CELSR1: variants seen among roughly 807,000 people sequenced by gnomAD.
The protein encoded by CELSR1 is cadherin EGF LAG seven-pass G-type receptor 1, also known as adhesion G protein-coupled receptor C1.
CELSR1 carries 110 observed loss-of-function variants against 249.1 expected under a neutral mutation model. That is an observed-to-expected ratio of 0.44 (90% CI 0.38 to 0.52). CELSR1 has a LOEUF of 0.52. Among genes scored for constraint, CELSR1 ranks in the 20% least tolerant of loss-of-function variants. CELSR1 has a pLI of 0.00. For missense variants in CELSR1, 4,109 were observed against 4,296.4 expected (o/e 0.96, Z 1.22); for synonymous variants, 2,113 against 1,900.0 (o/e 1.11, Z -2.92).
In CELSR1 at chr22:46,533,635, G is replaced by A; in HGVS notation, c.3536C>T (p.Ser1179Phe). ...CCCCGACGGCCACTCACCAGACACA[G>A]ACACCTCCATGAGCGCCTCCAGCGG... Reference protein sequence around the residue: ...NRPLEALMEVSVSDGIHSVTA... With the variant: ...NRPLEALMEVFVSDGIHSVTA... The change falls in exon 1 of 35, where the codon TCT becomes TTT. Residue 1179 changes from serine (S) to phenylalanine (F), a missense_variant. This residue lies in a region of CELSR1 where 886 missense variants were observed against 896.5 expected (regional missense o/e 0.99). Transcript: ENST00000674500. The A allele has an allele frequency of 6.4e-7, 1 of 1,568,240 alleles. No individual in the cohort carries two copies. The highest frequency in any genetic ancestry group is 1.2e-5 in the South Asian group (1 of 84,634).
Position 46,364,163 on chromosome 22 carries a change from G to T in CELSR1, c.8868C>A (p.Asp2956Glu), listed in dbSNP as rs145475980. 7 of 1,612,244 alleles carry T rather than the reference G, an allele frequency of 4.3e-6. No individual in the cohort carries two copies. In the African/African-American group the frequency reaches 9.3e-5, roughly 22 times the overall value. The change falls in exon 34 of 35, where the codon GAC (aspartate) becomes GAA (glutamate). Residue 2956 changes from aspartate (D) to glutamate (E), a missense_variant. Coordinates refer to ENST00000674500, the MANE Select transcript of CELSR1 (RefSeq NM_001378328.1). ...GCGAGGATGTGGGGCTCTGCTCACA[G>T]TCGGCCAGCTTCTCCCGGAGCCGGC... ...LKGRLREKLA[D>E]CEQSPTSSRT...
At position 46,414,606 on chromosome 22, in the gene CELSR1, G is replaced by A. The variant is rs543309349; in HGVS notation, c.4612-2847C>T. On this transcript the variant is annotated intron_variant, in intron 5 of 34. Coordinates refer to ENST00000674500, the MANE Select transcript of CELSR1 (RefSeq NM_001378328.1). ...CTAACCGTCCACTCTCCCGCCTCTC[G>A]GCGAGTGTGGGTTTAACGCGCAGGC... 4.1e-5 allele frequency among the ~76,000 whole-genome samples: 6 copies of A among 147,638 alleles called. No individual in the cohort carries two copies. In the South Asian group the frequency reaches 1.1e-3, roughly 26 times the overall value.
intron 1 of CELSR1, among the ~76,000 whole-genome samples, chr22:46,520,065 G>A (rs2080669632): frequency 6.6e-6 from 1 of 151,716 alleles, no homozygotes; most frequent in African/African-American, 2.4e-5. Context: ...GTAGAGATGG[G>A]GTTTCACCAG....
chr22:46,409,973 G>C lies in CELSR1; in HGVS notation c.4934-93C>G, dbSNP rs1602095870. On this transcript the variant is annotated intron_variant, in intron 7 of 34. Transcript: ENST00000674500. The surrounding 1 kb of genome is among the most constrained non-coding windows in gnomAD (Gnocchi z 9.8). ...TGGCGTGGGAAACCAGGACGGAATG[G>C]ACCCGGGGCTGGACAGAAGTCAGAC... 1 of 1,541,690 alleles carries C rather than the reference G, an allele frequency of 6.5e-7. No homozygotes were observed. The highest frequency in any genetic ancestry group is 2.3e-5 in the East Asian group (1 of 44,414).
intron 5 of CELSR1, among the ~76,000 whole-genome samples, chr22:46,421,989 C>T (rs79392470): frequency 0.033 from 4,958 of 152,354 alleles, 225 homozygotes; most frequent in African/African-American, 0.1. Context: ...TACCAGCCTG[C>T]ATGGCCACCT....
intron 1 of CELSR1, among the ~76,000 whole-genome samples, chr22:46,525,780 C>T (rs2080732622): frequency 6.6e-6 from 1 of 152,252 alleles, no homozygotes; most frequent in East Asian, 1.9e-4. Context: ...CCACCTATCC[C>T]CTTCCTCAAC....
In CELSR1 at chr22:46,517,774, C is replaced by T. The variant is rs551532109; in HGVS notation, c.3544+15853G>A. 7.9e-5 allele frequency among the ~76,000 whole-genome samples: 12 copies of T among 152,214 alleles called. No individual in the cohort carries two copies. Among genetic ancestry groups the T allele is most frequent in the South Asian group, 2.1e-4 (1 of 4,820 alleles). ...AGAAGCGAGGGCTGCATTGAAGAGGCGACTCCCATGGCTATGGCACTTGGC... is the reference window on the plus strand; with the variant it reads ...AGAAGCGAGGGCTGCATTGAAGAGGTGACTCCCATGGCTATGGCACTTGGC... On this transcript the variant is annotated intron_variant, in intron 1 of 34. Transcript: ENST00000674500. The surrounding 1 kb of genome is among the most constrained non-coding windows in gnomAD (Gnocchi z 5.4).
chr22:46,508,668 G>A (rs542236952), intron 1 of CELSR1, among the ~76,000 whole-genome samples: 11 of 152,226 alleles, frequency 7.2e-5, no homozygotes, highest in Non-Finnish European at 1.0e-4. Flanking sequence ...ACCCCATGGC[G>A]CGTCGCCTTC....
At position 46,471,721 on chromosome 22, in the gene CELSR1, C is replaced by T. The variant is rs1392799338; in HGVS notation, c.3545-7376G>A. ...CTCAGCATTTGTCATAATGAAGGAG[C>T]CAGTATTGATAGGTTATTAACTGAA... is the stretch of plus-strand genomic sequence containing the variant. On this transcript the variant is annotated intron_variant, in intron 1 of 34. Coordinates refer to ENST00000674500, the MANE Select transcript of CELSR1 (RefSeq NM_001378328.1). This position sits in a 1 kb window ranked among gnomAD's most constrained non-coding sequence, Gnocchi z 4.9. Among the ~76,000 whole-genome samples the T allele has an allele frequency of 6.6e-6, 1 of 152,082 alleles. No homozygotes were observed.
rs1169071301 is a variant in CELSR1 at position 46,390,940 on chromosome 22, G to C, written c.6250+246C>G. Among the ~76,000 whole-genome samples the C allele has an allele frequency of 6.6e-6, 1 of 152,224 alleles. No individual in the cohort carries two copies. The highest frequency in any genetic ancestry group is 1.5e-5 in the Non-Finnish European group (1 of 68,044). ...TCCCGGTGCCCCAGCCTGAGCGGCA[G>C]AGCAGGGACTGGCCGGGCCTGACTG... is the stretch of plus-strand genomic sequence containing the variant. On this transcript the variant is annotated intron_variant, in intron 16 of 34. Transcript: ENST00000674500. This position sits in a 1 kb window ranked among gnomAD's most constrained non-coding sequence, Gnocchi z 6.3.
Position 46,506,071 on chromosome 22 carries a change from C to T in CELSR1, c.3544+27556G>A, listed in dbSNP as rs1166010759. On this transcript the variant is annotated intron_variant, in intron 1 of 34. Coordinates refer to ENST00000674500, the MANE Select transcript of CELSR1 (RefSeq NM_001378328.1). The surrounding 1 kb of genome is among the most constrained non-coding windows in gnomAD (Gnocchi z 4.1). ...GCAGGCACCTGTAATCCCAGCTACT[C>T]GGGAGGCTGAGGCAGGAGAATCACT... 6.6e-6 allele frequency among the ~76,000 whole-genome samples: 1 copy of T among 150,744 alleles called. No homozygotes were observed. The highest frequency in any genetic ancestry group is 2.5e-5 in the African/African-American group (1 of 40,748).
rs139489139 is a variant in CELSR1 at position 46,463,773 on chromosome 22, C to A, written c.4117G>T (p.Gly1373Cys). 1.3e-6 allele frequency: 2 copies of A among 1,576,398 alleles called. No individual in the cohort carries two copies. The highest frequency in any genetic ancestry group is 2.7e-5 in the African/African-American group (2 of 73,932). Residue 1373 changes from glycine (G) to cysteine (C), a missense_variant, in exon 2 of 35, where the codon GGC becomes TGC. By Grantham distance (159) the Gly-to-Cys change is radical. This residue lies in a region of CELSR1 where 453 missense variants were observed against 492.0 expected (regional missense o/e 0.92). Coordinates refer to ENST00000674500, the MANE Select transcript of CELSR1 (RefSeq NM_001378328.1). The stretch of plus-strand genomic sequence containing the variant: ...CGGCTGCGGCAGCGGCCGTTGGCGC[C>A]GCACGGGTCGGAGTAGCAGAGGTCG... ...EIDLCYSDPCGANGRCRSREG... is the reference protein window; with the variant it reads ...EIDLCYSDPCCANGRCRSREG...
At chr22:46,373,500 T>G in intron 24 of CELSR1, among the ~76,000 whole-genome samples, 1 of 148,704 alleles carries the variant, frequency 6.7e-6, no homozygotes, top group Non-Finnish European at 1.5e-5. Context: ...GGGGGGCAGC[T>G]TCACGCCCAG....
At chr22:46,425,099 A>G (rs1053627103) in intron 5 of CELSR1, among the ~76,000 whole-genome samples, 2 of 152,244 alleles carry the variant, frequency 1.3e-5, no homozygotes, top group Non-Finnish European at 2.9e-5. Flanking sequence ...TCCCTGTTCC[A>G]TGGTACGGAC....
intron 28 of CELSR1, 28 bp from the exon 29 acceptor site, chr22:46,367,146 C>G (rs1444217491): frequency 7.5e-6 from 12 of 1,603,310 alleles, no homozygotes; most frequent in Non-Finnish European, 1.0e-5. Flanking sequence ...GGGTCAGCAC[C>G]TGCTGCTGCC....
chr22:46,370,699 G>C (rs9615965), intron 25 of CELSR1, among the ~76,000 whole-genome samples: 11,921 of 152,238 alleles, frequency 0.078, 519 homozygotes, highest in Non-Finnish European at 0.092. Flanking sequence ...GCTCCCTCCT[G>C]TTTAACACCC....
intron 5 of CELSR1, among the ~76,000 whole-genome samples, chr22:46,422,577 A>T (rs8137108): frequency 0.047 from 7,026 of 149,654 alleles, 529 homozygotes; most frequent in African/African-American, 0.16. Flanking sequence ...TACTAAAAAA[A>T]AATAATAATA....
rs75811086 is a variant in CELSR1 at position 46,412,415 on chromosome 22, C to T, written c.4612-656G>A. 0.011 allele frequency among the ~76,000 whole-genome samples: 1,620 copies of T among 152,278 alleles called. 29 individuals are homozygous for T. Among genetic ancestry groups the T allele is most frequent in the African/African-American group, 0.037 (1,548 of 41,552 alleles). On this transcript the variant is annotated intron_variant, in intron 5 of 34. Transcript: ENST00000674500. This position sits in a 1 kb window ranked among gnomAD's most constrained non-coding sequence, Gnocchi z 4.5. ...TCTTCTGGGGGTGTCCTCCTGACCA[C>T]GGCACCTGGCCAGGTTCGTGCTCCT...
In CELSR1 at chr22:46,429,879, C is replaced by G. The variant is rs187235727; in HGVS notation, c.4611+3514G>C. Among the ~76,000 whole-genome samples the G allele has an allele frequency of 2.6e-5, 4 of 152,374 alleles. No individual in the cohort carries two copies. The highest frequency in any genetic ancestry group is 7.2e-5 in the African/African-American group (3 of 41,592). On this transcript the variant is annotated intron_variant, in intron 5 of 34. Transcript: ENST00000674500. This position sits in a 1 kb window ranked among gnomAD's most constrained non-coding sequence, Gnocchi z 4.1. ...CATCGCAGCTCCGCTGGCACTGCCTCCAGCCCTGGGTCCCACACCGCCTCT... is the reference window on the plus strand; with the variant it reads ...CATCGCAGCTCCGCTGGCACTGCCTGCAGCCCTGGGTCCCACACCGCCTCT...
Sources: allele counts gnomAD v4.1 joint callset (sites outside exome capture counted in the v4.1 genomes callset), GRCh38; gene constraint gnomAD v4.1.1; regional missense constraint gnomAD v4.1.1; non-coding constraint Gnocchi (gnomAD v3.1); transcripts MANE v1.5; gene names NCBI Gene and HGNC (gene_info 2026-07-23, HGNC 2026-07-21).